The following SLC6A13 variants were observed in gnomAD, a reference collection of about 807,000 sequenced individuals.
SLC6A13 encodes solute carrier family 6 member 13, also known as sodium- and chloride-dependent GABA transporter 2.
In SLC6A13, 69 loss-of-function variants were observed where a neutral mutation model predicts 72.9. That is an observed-to-expected ratio of 0.95 (90% CI 0.78 to 1.16). The LOEUF is 1.16. Ranked by LOEUF, SLC6A13 falls within the 50% of genes most tolerant of loss-of-function variation. SLC6A13 has a pLI of 0.00. For missense variants in SLC6A13, 735 were observed against 760.5 expected, an observed-to-expected ratio of 0.97 and a Z score of 0.39; for synonymous variants, 303 against 303.0, an observed-to-expected ratio of 1.00 and a Z score of 0.00.
intron 7 of SLC6A13, among the ~76,000 whole-genome samples, chr12:229,639 G>A (rs545059610): frequency 3.3e-4 from 51 of 152,328 alleles, no homozygotes; most frequent in African/African-American, 1.2e-3. Flanking sequence ...TCATGAGGTC[G>A]GGCGCCCCCT....
At position 237,919 on chromosome 12, in the gene SLC6A13, CACTT is replaced by C. The variant is rs780092900; in HGVS notation, c.563+3_563+6del. 6.2e-7 allele frequency: 1 copy of C among 1,608,946 alleles called. No homozygotes were observed. The highest frequency in any genetic ancestry group is 1.7e-5 in the Admixed American group (1 of 60,018). On this transcript the variant is annotated splice_donor_5th_base_variant and intron_variant, in intron 5 of 14. Transcript: ENST00000343164. ...GCCCACAGTGGGTGGGGAAGGGTCTCACTTACTCCCAGAACTCGATGACAGGAGA... is the reference window on the plus strand; with the variant it reads ...GCCCACAGTGGGTGGGGAAGGGTCTCACTCCCAGAACTCGATGACAGGAGA...
At chr12:225,526 T>C (rs1320179829) in intron 9 of SLC6A13, among the ~76,000 whole-genome samples, 2 of 152,166 alleles carry the variant, frequency 1.3e-5, no homozygotes, top group Non-Finnish European at 2.9e-5. Context: ...GGCACATGCC[T>C]GTAATCTCAG....
chr12:261,752 C>A (rs887430182), intron 1 of SLC6A13, among the ~76,000 whole-genome samples: 1 of 152,042 alleles, frequency 6.6e-6, no homozygotes, highest in African/African-American at 2.4e-5. Flanking sequence ...ATGGTGACAC[C>A]CCGTCTCTAC....
At chr12:255,961 C>T (rs1427150897) in intron 2 of SLC6A13, among the ~76,000 whole-genome samples, 1 of 152,110 alleles carries the variant, frequency 6.6e-6, no homozygotes, top group African/African-American at 2.4e-5. Context: ...GCACTTTCAC[C>T]CAACCCCATA....
chr12:223,587 C>T (rs573368596), intron 11 of SLC6A13, among the ~76,000 whole-genome samples: 41 of 152,172 alleles, frequency 2.7e-4, no homozygotes, highest in African/African-American at 6.7e-4. Context: ...TGACAAGCTC[C>T]GTCTCCCTCC....
chr12:257,157 G>A (rs1259693942), intron 2 of SLC6A13: 1 of 151,750 alleles, frequency 6.6e-6, no homozygotes, highest in African/African-American at 2.4e-5. Context: ...GGTGAGAGGA[G>A]TTAACTGATG....
In SLC6A13 at chr12:235,129, A is replaced by G. The variant is rs1056895975; in HGVS notation, c.792T>C (p.Phe264=). The change falls in exon 7 of 15, where the codon TTT becomes TTC. Residue 264 remains phenylalanine, a synonymous_variant. Transcript: ENST00000343164. The stretch of plus-strand genomic sequence containing the variant: ...GACGCGTGAGGTTTGGGTACAGGTA[A>G]AACTGAATTCCTTGGGCTGCCCCAG... ...TLPGAAQGIQ[F]YLYPNLTRLW... is the part of the protein sequence containing the mutation. 1.1e-5 allele frequency: 18 copies of G among 1,614,116 alleles called. No individual in the cohort carries two copies. Among genetic ancestry groups the G allele is most frequent in the East Asian group, 6.7e-5 (3 of 44,890 alleles).
In SLC6A13 at chr12:221,413, A is replaced by G; in HGVS notation, c.1649T>C (p.Leu550Pro). 6.2e-7 allele frequency: 1 copy of G among 1,612,278 alleles called. No individual in the cohort carries two copies. Among genetic ancestry groups the G allele is most frequent in the South Asian group, 1.1e-5 (1 of 90,768 alleles). ...SSMVCIPAWS[L>P]YRLGTLKGPF... The stretch of plus-strand genomic sequence containing the variant: ...GCCCTTGAGGGTTCCGAGTCTGTAG[A>G]GGCTCCAGGCAGGAATGCAGACCAT... Residue 550 changes from leucine to proline, a missense_variant, in exon 14 of 15, where the codon CTC becomes CCC. Transcript: ENST00000343164.
In SLC6A13 at chr12:224,100, C is replaced by T. The variant is rs140923338; in HGVS notation, c.1203G>A (p.Ala401=). 5.6e-6 allele frequency: 9 copies of T among 1,614,176 alleles called. No individual in the cohort carries two copies. The highest frequency in any genetic ancestry group is 2.2e-5 in the East Asian group (1 of 44,878). The change falls in exon 11 of 15, where the codon GCG becomes GCA. Residue 401 remains alanine, a synonymous_variant. Coordinates refer to ENST00000343164, the MANE Select transcript of SLC6A13 (RefSeq NM_016615.5). Reference sequence around the variant, plus strand: ...ACACGTGAGGGTACATGTCCACCAGCGCTGTCACCAGGCTTTCTACACACA... The same window carrying T: ...ACACGTGAGGGTACATGTCCACCAGTGCTGTCACCAGGCTTTCTACACACA... ...QFVCVESLVT[A]LVDMYPHVFR...
intron 12 of SLC6A13, 62 bp from the exon 13 acceptor site, chr12:222,694 G>C: frequency 9.8e-7 from 1 of 1,021,858 alleles, no homozygotes; most frequent in South Asian, 1.4e-5. Context: ...CAGGACATCA[G>C]GATGGGGCCA....
chr12:238,550 C>T (rs55792989), intron 4 of SLC6A13, among the ~76,000 whole-genome samples: 8,781 of 152,234 alleles, frequency 0.058, 648 homozygotes, highest in East Asian at 0.3. Flanking sequence ...TAAATGAAAA[C>T]GTGGATGTAG....
intron 4 of SLC6A13, 70 bp from the exon 5 acceptor site, chr12:238,080 G>T: frequency 6.3e-7 from 1 of 1,580,086 alleles, no homozygotes; most frequent in Non-Finnish European, 8.7e-7. Flanking sequence ...ACTGGAGAGT[G>T]GGGTGAAATT....
At chr12:232,354 T>TG (rs1410613891) in intron 7 of SLC6A13, among the ~76,000 whole-genome samples, 1 of 152,184 alleles carries the variant, frequency 6.6e-6, no homozygotes, top group Non-Finnish European at 1.5e-5. Context: ...TTCTCTTGTG[T>TG]GGGGAATCCA....
chr12:242,516 T>C (rs1440720050), intron 4 of SLC6A13, 98 bp downstream of exon 4: 16 of 1,035,388 alleles, frequency 1.5e-5, no homozygotes, highest in Non-Finnish European at 2.2e-5. Context: ...GGGTGATTTC[T>C]GGTGTGTCCG....
chr12:225,310 G>A (rs1052630648), intron 9 of SLC6A13, among the ~76,000 whole-genome samples: 2 of 152,222 alleles, frequency 1.3e-5, no homozygotes, highest in Non-Finnish European at 2.9e-5. Flanking sequence ...TGCATGGTAC[G>A]AGTAGAGTGC....
At chr12:235,373 C>A in intron 6 of SLC6A13, 149 bp from the exon 7 acceptor site, 1 of 771,756 alleles carries the variant, frequency 1.3e-6, no homozygotes, top group South Asian at 1.8e-5. Context: ...CTGTTTAGTT[C>A]TGTTGCAGGA....
chr12:250,852 A>AAAAAAC (rs1942512456), intron 2 of SLC6A13, among the ~76,000 whole-genome samples: 3 of 148,436 alleles, frequency 2.0e-5, no homozygotes, highest in Admixed American at 6.7e-5. Context: ...AAAAAAAAAA[A>AAAAAAC]CCTAAAAACA....
chr12:237,612 G>C (rs908165144), intron 5 of SLC6A13, among the ~76,000 whole-genome samples: 15 of 152,066 alleles, frequency 9.9e-5, no homozygotes, highest in African/African-American at 3.6e-4. Flanking sequence ...TGGGGGGAGG[G>C]GGTGGGTCAG....
At chr12:239,457 TC>T (rs1235200223) in intron 4 of SLC6A13, among the ~76,000 whole-genome samples, 7 of 152,158 alleles carry the variant, frequency 4.6e-5, no homozygotes, top group African/African-American at 1.7e-4. Context: ...TTCCCCCTCC[TC>T]CTTCAGACCA....
Sources: allele counts gnomAD v4.1 joint callset (sites outside exome capture counted in the v4.1 genomes callset), GRCh38; gene constraint gnomAD v4.1.1; transcripts MANE v1.5; gene names NCBI Gene and HGNC (gene_info 2026-07-23, HGNC 2026-07-21).